Variants in ZNF672 observed in about 807,000 individuals in gnomAD.
ZNF672 encodes hypothetical protein FLJ22301.
For missense variants in ZNF672, 733 were observed against 701.1 expected, an observed-to-expected ratio of 1.05 and a Z score of -0.51; for synonymous variants, 358 against 305.6, an observed-to-expected ratio of 1.17 and a Z score of -1.79.
intron 1 of ZNF672, among the ~76,000 whole-genome samples, chr1:248,841,532 C>G (rs1421963689): frequency 6.6e-6 from 1 of 152,230 alleles, no homozygotes; most frequent in Non-Finnish European, 1.5e-5. Flanking sequence ...ACAGGGCAAG[C>G]TCCCACTATG....
rs1308461775 is a variant in ZNF672, at chr1:248,848,623, C to G, written c.1349C>G (p.Ser450Cys). Reference sequence around the variant, plus strand: ...GCTGAACAGGAAAAGCCAGGGTTCTCTGTGTCCTAGTTGAGGGAGGCTTGC... The same window carrying G: ...GCTGAACAGGAAAAGCCAGGGTTCTGTGTGTCCTAGTTGAGGGAGGCTTGC... The part of the protein sequence containing the change: ...GPAEQEKPGF[S>C]VS The change falls in exon 4 of 4, where the codon TCT (serine) becomes TGT (cysteine). Residue 450 changes from serine to cysteine, a missense_variant. Coordinates refer to ENST00000306562, the MANE Select transcript of ZNF672 (RefSeq NM_024836.3). The G allele has an allele frequency of 6.3e-7, 1 of 1,575,840 alleles. No individual in the cohort carries two copies. Among genetic ancestry groups the G allele is most frequent in the Non-Finnish European group, 8.6e-7 (1 of 1,158,860 alleles).
intron 2 of ZNF672, among the ~76,000 whole-genome samples, chr1:248,845,296 T>G (rs190742471): frequency 1.8e-3 from 271 of 152,140 alleles, no homozygotes; most frequent in Middle Eastern, 6.8e-3. Flanking sequence ...CATTTTTTGT[T>G]TAAAAATCAT....
rs1187983340 is a variant in ZNF672 at position 248,847,812 on chromosome 1, A to G, written c.538A>G (p.Ser180Gly). The stretch of plus-strand genomic sequence containing the variant: ...CTTCCGAAGCGGCGCCGGGCTGCGG[A>G]GTCACGCGCGCATCCACGTGTCCCG... Reference protein sequence around the residue: ...RAFRSGAGLRSHARIHVSRSP... With the variant: ...RAFRSGAGLRGHARIHVSRSP... Residue 180 changes from serine (S) to glycine (G), a missense_variant, in exon 4 of 4, where the codon AGT (serine) becomes GGT (glycine). Physicochemically the swap from Ser to Gly is moderately conservative, Grantham distance 56. Coordinates refer to ENST00000306562, the MANE Select transcript of ZNF672 (RefSeq NM_024836.3). 2 of 1,551,820 alleles carry G rather than the reference A, an allele frequency of 1.3e-6. No individual in the cohort carries two copies. Among genetic ancestry groups the G allele is most frequent in the South Asian group, 1.2e-5 (1 of 85,976 alleles).
chr1:248,846,272 C>T (rs1334036377), intron 3 of ZNF672, among the ~76,000 whole-genome samples: 2 of 152,216 alleles, frequency 1.3e-5, no homozygotes, highest in African/African-American at 4.8e-5. Context: ...TTCTCCCCAG[C>T]CTTTCCTGAA....
chr1:248,840,349 C>T (rs150439123), intron 1 of ZNF672, among the ~76,000 whole-genome samples: 1,850 of 152,354 alleles, frequency 0.012, 21 homozygotes, highest in Non-Finnish European at 0.018. Flanking sequence ...ACCCCGGCCT[C>T]CCAAAGTGCT....
At chr1:248,841,901 C>T (rs1251750009) in intron 1 of ZNF672, among the ~76,000 whole-genome samples, 2 of 152,082 alleles carry the variant, frequency 1.3e-5, no homozygotes, top group Non-Finnish European at 2.9e-5. Flanking sequence ...TGCACTTTAG[C>T]CTGGGAGACA....
intron 3 of ZNF672, among the ~76,000 whole-genome samples, 154 bp from the exon 4 acceptor site, chr1:248,846,898 C>G (rs1298645504): frequency 6.6e-6 from 1 of 152,146 alleles, no homozygotes; most frequent in East Asian, 1.9e-4. Context: ...CACCCCCTCC[C>G]TATTTCCGGG....
intron 1 of ZNF672, among the ~76,000 whole-genome samples, chr1:248,844,281 T>C (rs1664723138): frequency 6.6e-6 from 1 of 152,198 alleles, no homozygotes; most frequent in Non-Finnish European, 1.5e-5. Flanking sequence ...ACTTATATAC[T>C]TTATTCAACA....
intron 3 of ZNF672, 141 bp downstream of exon 3, chr1:248,845,803 T>A (rs933446560): frequency 2.0e-5 from 3 of 152,236 alleles, no homozygotes; most frequent in African/African-American, 7.2e-5. Context: ...TTTGTTTGTG[T>A]CCTCTCCCGC....
intron 1 of ZNF672, among the ~76,000 whole-genome samples, chr1:248,841,341 G>T (rs1664677087): frequency 6.6e-6 from 1 of 152,184 alleles, no homozygotes; most frequent in Admixed American, 6.5e-5. Flanking sequence ...TCTCTGATCT[G>T]GGGGGCTCTG....
rs568063141 is a variant in ZNF672, at chr1:248,849,202, G to A, written c.*569G>A. On this transcript the variant is annotated 3_prime_UTR_variant, in exon 4 of 4. Coordinates refer to ENST00000306562, the MANE Select transcript of ZNF672 (RefSeq NM_024836.3). ...TCACTTCCATGAAGGATGTCTCCATGCTAGGAGCTGCCTGCACCCTGGCAG... is the reference window on the plus strand; with the variant it reads ...TCACTTCCATGAAGGATGTCTCCATACTAGGAGCTGCCTGCACCCTGGCAG... The A allele has an allele frequency of 1.3e-4, 55 of 420,278 alleles. No individual in the cohort carries two copies. The highest frequency in any genetic ancestry group is 1.0e-3 in the African/African-American group (50 of 48,614). 26.0% of individuals were successfully genotyped at this position (420,278 alleles called of 1,614,324 possible).
chr1:248,848,522 C>CCA lies in ZNF672; in HGVS notation c.1252_1253dup (p.Arg421ProfsTer35). ...GCTCGCTGTCACAGCATCAGCGGGCCCACACGCGCGCCCGCACCGCTGCCG... is the reference window on the plus strand; with the variant it reads ...GCTCGCTGTCACAGCATCAGCGGGCCCACACACGCGCGCCCGCACCGCTGCCG... On this transcript the variant is annotated frameshift_variant, in exon 4 of 4. Coordinates refer to ENST00000306562, the MANE Select transcript of ZNF672 (RefSeq NM_024836.3). LOFTEE classifies it low-confidence loss of function (END_TRUNC). 6.2e-7 allele frequency: 1 copy of CCA among 1,600,090 alleles called. No homozygotes were observed. Among genetic ancestry groups the CCA allele is most frequent in the East Asian group, 2.3e-5 (1 of 43,902 alleles).
chr1:248,848,198 G>T lies in ZNF672; in HGVS notation c.924G>T (p.Glu308Asp). ...TGCACCAGCGCATCCACACGGGCGA[G>T]AAGCCCTTCGCGTGCCCCGAGTGCG... ...LVVHQRIHTG[E>D]KPFACPECGR... The change falls in exon 4 of 4, where the codon GAG becomes GAT. Residue 308 changes from glutamate (E) to aspartate (D), a missense_variant. Transcript: ENST00000306562. 1 of 1,600,722 alleles carries T rather than the reference G, an allele frequency of 6.2e-7. No individual in the cohort carries two copies. The highest frequency in any genetic ancestry group is 8.5e-7 in the Non-Finnish European group (1 of 1,177,166).
rs558620154 is a variant in ZNF672, at chr1:248,848,818, G to T, written c.*185G>T. 1.6e-4 allele frequency: 143 copies of T among 903,698 alleles called. No homozygotes were observed. The highest frequency in any genetic ancestry group is 1.4e-3 in the African/African-American group (83 of 60,646). 56.0% of individuals were successfully genotyped at this position (903,698 alleles called of 1,614,324 possible). The stretch of plus-strand genomic sequence containing the variant: ...GCCTCGCCTCTACACCTACTACCCT[G>T]TCGGCCCTTTTGCCATGCTGTCCTC... On this transcript the variant is annotated 3_prime_UTR_variant, in exon 4 of 4. Transcript: ENST00000306562.
intron 3 of ZNF672, among the ~76,000 whole-genome samples, chr1:248,845,963 T>C (rs1426179645): frequency 2.6e-5 from 4 of 152,194 alleles, no homozygotes; most frequent in Non-Finnish European, 5.9e-5. Flanking sequence ...CTAGAGGGCA[T>C]GTGAGGTTCT....
chr1:248,844,901 C>CATCTAACTAG (rs1367867949), intron 2 of ZNF672, among the ~76,000 whole-genome samples: 4 of 152,234 alleles, frequency 2.6e-5, no homozygotes, highest in Non-Finnish European at 4.4e-5. Flanking sequence ...TCTGACCTGA[C>CATCTAACTAG]ATCTAACTAG....
chr1:248,842,405 G>A (rs1458354459), intron 1 of ZNF672, among the ~76,000 whole-genome samples: 1 of 152,142 alleles, frequency 6.6e-6, no homozygotes, highest in East Asian at 1.9e-4. Context: ...TGTGAACAGG[G>A]AGAGAACATA....
In ZNF672 at chr1:248,849,044, T is replaced by C. The variant is rs1367125515; in HGVS notation, c.*411T>C. On this transcript the variant is annotated 3_prime_UTR_variant, in exon 4 of 4. Coordinates refer to ENST00000306562, the MANE Select transcript of ZNF672 (RefSeq NM_024836.3). ...CATCTTCTCCTTTCCTGATTACTTT[T>C]GTTGTCCTGCCTCTTCAGGTAATGG... 4 of 491,446 alleles carry C rather than the reference T, an allele frequency of 8.1e-6. No individual in the cohort carries two copies. In the Admixed American group the frequency reaches 9.3e-5, roughly 11 times the overall value. The allele number at this position is 491,446 out of a possible 1,614,324, so 30.4% of individuals were successfully genotyped here.
intron 1 of ZNF672, among the ~76,000 whole-genome samples, chr1:248,841,713 G>A (rs1436882756): frequency 1.3e-5 from 2 of 152,200 alleles, no homozygotes; most frequent in East Asian, 1.9e-4. Context: ...ACTGAGGCCA[G>A]GAGTTCAAGA....
Sources: allele counts gnomAD v4.1 joint callset (sites outside exome capture counted in the v4.1 genomes callset), GRCh38; gene constraint gnomAD v4.1.1; transcripts MANE v1.5; gene names NCBI Gene and HGNC (gene_info 2026-07-23, HGNC 2026-07-21).